CAMK2G: variants seen among roughly 807,000 people sequenced by gnomAD.
CAMK2G encodes calcium/calmodulin dependent protein kinase II gamma.
CAMK2G carries 23 observed loss-of-function variants against 88.7 expected under a neutral mutation model. The observed-to-expected ratio is 0.26, with a 90% CI of 0.19 to 0.37. The LOEUF is 0.37. CAMK2G is among the 10% of genes least tolerant of loss of function. The pLI is 1.00. For synonymous variants in CAMK2G, 263 were observed against 294.8 expected (o/e 0.89, Z 1.11); for missense variants, 476 against 780.8 (o/e 0.61, Z 4.65).
At chr10:73,874,269 G>A in intron 1 of CAMK2G, 128 bp downstream of exon 1, 2 of 463,442 alleles carry the variant, frequency 4.3e-6, no homozygotes, top group Non-Finnish European at 6.6e-6. Flanking sequence ...GGCGGCGGGC[G>A]GGAAAGGCGG....
chr10:73,851,711 A>C (rs2094629419), intron 5 of CAMK2G, among the ~76,000 whole-genome samples: 1 of 131,406 alleles, frequency 7.6e-6, no homozygotes, highest in African/African-American at 2.9e-5. Flanking sequence ...AGACTTGGAA[A>C]AGCTTTGTAA....
Position 73,862,307 on chromosome 10 carries a change from C to G in CAMK2G, c.161-1418G>C, listed in dbSNP as rs867389749. 1.2e-3 allele frequency among the ~76,000 whole-genome samples: 182 copies of G among 145,884 alleles called. 6 individuals carry two copies. Among genetic ancestry groups the G allele is most frequent in the African/African-American group, 3.9e-3 (157 of 39,974 alleles). ...TCTCCCTCCTACTCCACCCCCCCCC[C>G]CCCCGATTTCCCAATGCACTTCTCA... is the stretch of plus-strand genomic sequence containing the variant. On this transcript the variant is annotated intron_variant, in intron 2 of 22. Coordinates refer to ENST00000423381, the MANE Select transcript of CAMK2G (RefSeq NM_001367534.1).
rs569613510 is a variant in CAMK2G, at chr10:73,842,837, C to A, written c.820-296G>T. ...CAGAGGCTACCGAACAGGAGAGTAC[C>A]CTGGGGGCTGTGATCCTCATTCAGT... On this transcript the variant is annotated intron_variant, in intron 10 of 22. Coordinates refer to ENST00000423381, the MANE Select transcript of CAMK2G (RefSeq NM_001367534.1). This position sits in a 1 kb window ranked among gnomAD's most constrained non-coding sequence, Gnocchi z 4.6. Among the ~76,000 whole-genome samples, 2 of 152,218 alleles carry A rather than the reference C, an allele frequency of 1.3e-5. No individual in the cohort carries two copies. The highest frequency in any genetic ancestry group is 1.3e-4 in the Admixed American group (2 of 15,292).
chr10:73,836,598 G>A (rs1419367025), intron 14 of CAMK2G, among the ~76,000 whole-genome samples: 6 of 151,792 alleles, frequency 4.0e-5, no homozygotes, highest in African/African-American at 1.5e-4. Context: ...GAGTGGGGAG[G>A]GAACGGGGAG....
At chr10:73,819,459 T>C (rs2086980088) in intron 19 of CAMK2G, 73 bp downstream of exon 19, 1 of 1,034,518 alleles carries the variant, frequency 9.7e-7, no homozygotes, top group South Asian at 1.4e-5. Flanking sequence ...CTGACAGCTG[T>C]GGTGGGGGTC....
intron 3 of CAMK2G, among the ~76,000 whole-genome samples, chr10:73,856,155 C>A (rs965496031): frequency 6.6e-6 from 1 of 152,122 alleles, no homozygotes; most frequent in African/African-American, 2.4e-5. Flanking sequence ...ATGGGCTCCA[C>A]GTGCATTACT....
intron 3 of CAMK2G, 125 bp from the exon 4 acceptor site, chr10:73,853,371 G>A (rs1384995375): frequency 1.2e-6 from 1 of 805,778 alleles, no homozygotes; most frequent in Non-Finnish European, 2.0e-6. Flanking sequence ...AAGGAGCAGT[G>A]GGGGGAAGTG....
rs201295644 is a variant in CAMK2G, at chr10:73,842,449, G to A, written c.903+9C>T. ...TCAAGGAGGCTGGCAGCCTAGAAAC[G>A]ACACTCACCTTCAGTTTTCTCCGGG... is the stretch of plus-strand genomic sequence containing the variant. On this transcript the variant is annotated intron_variant, in intron 11 of 22. Coordinates refer to ENST00000423381, the MANE Select transcript of CAMK2G (RefSeq NM_001367534.1). This position sits in a 1 kb window ranked among gnomAD's most constrained non-coding sequence, Gnocchi z 4.6. The A allele has an allele frequency of 1.5e-4, 237 of 1,602,520 alleles. No individual in the cohort carries two copies. Among genetic ancestry groups the A allele is most frequent in the Non-Finnish European group, 1.8e-4 (205 of 1,169,534 alleles).
rs1486557147 is a variant in CAMK2G, at chr10:73,849,266, G to A, written c.409C>T (p.Leu137=). 6.2e-7 allele frequency: 1 copy of A among 1,612,918 alleles called. No individual in the cohort carries two copies. The highest frequency in any genetic ancestry group is 1.1e-5 in the South Asian group (1 of 91,040). Residue 137 remains leucine (L), a synonymous_variant, in exon 6 of 23, where the codon CTG becomes TTG. Transcript: ENST00000423381. ...GAGGGGAGCCTGGGTAGTACCTTCA[G>A]GTCCCTGTGGACGATGTCATGCTGG... ...IHQHDIVHRD[L]KPENLLLASK...
chr10:73,861,011 T>C (rs757346919), intron 2 of CAMK2G, 122 bp from the exon 3 acceptor site: 9 of 726,924 alleles, frequency 1.2e-5, no homozygotes, highest in Non-Finnish European at 2.2e-5. Flanking sequence ...GCTGAAGTAA[T>C]GCAGCAAGTC....
intron 12 of CAMK2G, among the ~76,000 whole-genome samples, chr10:73,840,013 G>A (rs1295147366): frequency 6.6e-6 from 1 of 152,168 alleles, no homozygotes; most frequent in Non-Finnish European, 1.5e-5. Flanking sequence ...AGCCCACGAT[G>A]AGAGTGCCGG....
chr10:73,860,448 A>G (rs1349341907), intron 3 of CAMK2G, among the ~76,000 whole-genome samples: 3 of 152,126 alleles, frequency 2.0e-5, no homozygotes, highest in African/African-American at 7.2e-5. Context: ...TCAGGTCCAC[A>G]AACAAAATCC....
chr10:73,873,179 A>C (rs895719077), intron 1 of CAMK2G, 96 bp from the exon 2 acceptor site: 2 of 996,478 alleles, frequency 2.0e-6, no homozygotes, highest in Non-Finnish European at 1.6e-6. Context: ...CCACCACCAG[A>C]CCTCTAGTCA....
chr10:73,815,380 C>T (rs113799665), intron 21 of CAMK2G, 133 bp from the exon 22 acceptor site: 86,914 of 632,662 alleles, frequency 0.14, 6,465 homozygotes, highest in South Asian at 0.21. Flanking sequence ...CCCCCCCCCA[C>T]CCCCGAACCC....
At chr10:73,862,925 T>C (rs1303358626) in intron 2 of CAMK2G, among the ~76,000 whole-genome samples, 1 of 152,152 alleles carries the variant, frequency 6.6e-6, no homozygotes, top group Non-Finnish European at 1.5e-5. Context: ...GCTATGATTG[T>C]CCACATTTCC....
At chr10:73,837,266 C>G in intron 14 of CAMK2G, 1 of 642,592 alleles carries the variant, frequency 1.6e-6, no homozygotes, top group Admixed American at 2.4e-5. Context: ...TCATTCCCAT[C>G]CAGCTAGGGC....
chr10:73,851,564 T>C (rs941429816), intron 5 of CAMK2G, among the ~76,000 whole-genome samples: 3 of 151,974 alleles, frequency 2.0e-5, no homozygotes, highest in African/African-American at 4.8e-5. Context: ...CTCTGGATCA[T>C]GCCAGAGCCT....
chr10:73,835,653 T>G (rs1046872400), intron 14 of CAMK2G, among the ~76,000 whole-genome samples: 7 of 152,006 alleles, frequency 4.6e-5, no homozygotes, highest in African/African-American at 1.2e-4. Context: ...CTATGGTATT[T>G]CCCATGGTCT....
At chr10:73,816,501 C>G in intron 21 of CAMK2G, 1 of 1,026,908 alleles carries the variant, frequency 9.7e-7, no homozygotes, top group Non-Finnish European at 1.2e-6. Flanking sequence ...TGCTCTGTTG[C>G]CCAGGCTGGA....
Sources: allele counts gnomAD v4.1 joint callset (sites outside exome capture counted in the v4.1 genomes callset), GRCh38; gene constraint gnomAD v4.1.1; non-coding constraint Gnocchi (gnomAD v3.1); transcripts MANE v1.5; gene names NCBI Gene and HGNC (gene_info 2026-07-23, HGNC 2026-07-21).